Variants in KIAA0319 observed in about 807,000 individuals in gnomAD.
KIAA0319 encodes KIAA0319, also known as dyslexia-associated protein KIAA0319.
In KIAA0319, 83 loss-of-function variants were observed where a neutral mutation model predicts 108.4. The observed-to-expected ratio is 0.77, with a 90% CI of 0.64 to 0.92. The LOEUF is 0.92. KIAA0319 is among the 40% of genes least tolerant of loss of function. KIAA0319 has a pLI of 0.00. For missense variants in KIAA0319, 1,195 were observed against 1,322.4 expected, an observed-to-expected ratio of 0.90 and a Z score of 1.49; for synonymous variants, 484 against 510.4, an observed-to-expected ratio of 0.95 and a Z score of 0.70.
At chr6:24,574,912 C>T (rs76904457) in intron 10 of KIAA0319, among the ~76,000 whole-genome samples, 1,633 of 152,284 alleles carry the variant, frequency 0.011, 34 homozygotes, top group African/African-American at 0.037. Context: ...TGATCTGGTA[C>T]GAGAATGCTT....
At chr6:24,635,187 C>A (rs1454682873) in intron 1 of KIAA0319, among the ~76,000 whole-genome samples, 1 of 151,442 alleles carries the variant, frequency 6.6e-6, no homozygotes, top group Non-Finnish European at 1.5e-5. Context: ...CTCACTGCAA[C>A]CTCCACCTCC....
chr6:24,610,892 T>C (rs968936053), intron 1 of KIAA0319, among the ~76,000 whole-genome samples: 3 of 152,054 alleles, frequency 2.0e-5, no homozygotes, highest in Non-Finnish European at 4.4e-5. Flanking sequence ...TGTAAAGGCA[T>C]AGTAATAGGC....
rs865931466 is a variant in KIAA0319, at chr6:24,597,944, A to C, written c.56-1326T>G. On this transcript the variant is annotated intron_variant, in intron 2 of 20. Coordinates refer to ENST00000378214, the MANE Select transcript of KIAA0319 (RefSeq NM_014809.4). ...AAAAAAAAAAAAAAAAAAAAAAAAA[A>C]AAAAAACCACCTAGAAGCATCTGCA... The C allele has an allele frequency of 3.5e-3, 517 of 148,204 alleles. 1 individual carries two copies. The highest frequency in any genetic ancestry group is 0.011 in the African/African-American group (438 of 38,282). 9.2% of individuals were successfully genotyped at this position (148,204 alleles called of 1,614,324 possible). A position where few individuals can be genotyped will look rare whatever the true frequency, so the allele number is the denominator to read the frequency against.
chr6:24,610,980 C>CA (rs1207098629), intron 1 of KIAA0319, among the ~76,000 whole-genome samples: 6 of 151,750 alleles, frequency 4.0e-5, no homozygotes, highest in Non-Finnish European at 7.4e-5. Flanking sequence ...AACAAACAAA[C>CA]AAAAAAACCC....
At chr6:24,627,652 G>A (rs1053892587) in intron 1 of KIAA0319, among the ~76,000 whole-genome samples, 3 of 152,156 alleles carry the variant, frequency 2.0e-5, no homozygotes, top group African/African-American at 4.8e-5. Flanking sequence ...AAATGAACAC[G>A]ATGTGTAGCC....
intron 1 of KIAA0319, among the ~76,000 whole-genome samples, chr6:24,612,589 T>G (rs1398440443): frequency 6.6e-6 from 1 of 152,242 alleles, no homozygotes; most frequent in Non-Finnish European, 1.5e-5. Context: ...AAGCTCTTCA[T>G]GTACTGTTAT....
chr6:24,579,486 C>CAT (rs1310646324), intron 8 of KIAA0319, among the ~76,000 whole-genome samples: 7 of 142,656 alleles, frequency 4.9e-5, no homozygotes, highest in Admixed American at 2.8e-4. Flanking sequence ...TTATATATCT[C>CAT]ATATATCTTA....
intron 1 of KIAA0319, among the ~76,000 whole-genome samples, chr6:24,637,478 C>T (rs968840803): frequency 3.3e-5 from 5 of 152,146 alleles, no homozygotes; most frequent in African/African-American, 4.8e-5. Context: ...TTAAAGGGCA[C>T]TCATTTTTCT....
intron 1 of KIAA0319, among the ~76,000 whole-genome samples, chr6:24,607,281 G>C (rs1343063260): frequency 1.3e-5 from 2 of 152,152 alleles, no homozygotes; most frequent in Admixed American, 6.5e-5. Context: ...ACTTGAATCC[G>C]GGAGGTGGAG....
chr6:24,626,752 G>A lies in KIAA0319; in HGVS notation c.-106+18984C>T, dbSNP rs146951693. 3.1e-4 allele frequency among the ~76,000 whole-genome samples: 47 copies of A among 152,252 alleles called. No homozygotes were observed. The East Asian group carries it at 8.7e-3, about 28-fold the overall frequency. ...AGCAGTGAATAAAAAGGTTCCCTTT[G>A]GGAGTTTCCATTCCAGTGGAAGGGC... On this transcript the variant is annotated intron_variant, in intron 1 of 20. Transcript: ENST00000378214.
chr6:24,540,266 A>T (rs1760154635), downstream of KIAA0319, among the ~76,000 whole-genome samples: 1 of 152,248 alleles, frequency 6.6e-6, no homozygotes, highest in African/African-American at 2.4e-5. Flanking sequence ...CTCTTATACA[A>T]CTGAGAATGC....
intron 1 of KIAA0319, among the ~76,000 whole-genome samples, chr6:24,620,551 C>T (rs1773790649): frequency 6.6e-6 from 1 of 152,114 alleles, no homozygotes; most frequent in Non-Finnish European, 1.5e-5. Context: ...TTTGCCTGCC[C>T]CGGCCTCCCA....
rs1409670266 is a variant in KIAA0319, at chr6:24,569,974, T to C, written c.1920A>G (p.Glu640=). ...TGCTGCTCCCATCCAGGGTAGCACT[T>C]TCCACTGGGAAGATCAGCTCTTTAT... ...GPDKELIFPV[E]SATLDGSSSS... Residue 640 remains glutamate (E), a synonymous_variant, in exon 12 of 21, where the codon GAA becomes GAG. Transcript: ENST00000378214. The C allele has an allele frequency of 1.9e-6, 3 of 1,613,982 alleles. No homozygotes were observed. Among genetic ancestry groups the C allele is most frequent in the African/African-American group, 2.7e-5 (2 of 74,930 alleles).
Position 24,566,166 on chromosome 6 carries a change from G to A in KIAA0319, c.2292+431C>T, listed in dbSNP as rs147967440. Reference sequence around the variant, plus strand: ...CATTATAGAGACACTGCCGTGGACCGAACTGTGTCTTTCCCAGACTCCTGT... The same window carrying A: ...CATTATAGAGACACTGCCGTGGACCAAACTGTGTCTTTCCCAGACTCCTGT... On this transcript the variant is annotated intron_variant, in intron 14 of 20. Coordinates refer to ENST00000378214, the MANE Select transcript of KIAA0319 (RefSeq NM_014809.4). 5.3e-3 allele frequency among the ~76,000 whole-genome samples: 810 copies of A among 152,292 alleles called. 7 individuals carry two copies. Among genetic ancestry groups the A allele is most frequent in the African/African-American group, 0.017 (716 of 41,554 alleles).
chr6:24,586,976 C>A (rs1263236381), intron 4 of KIAA0319, among the ~76,000 whole-genome samples: 1 of 152,100 alleles, frequency 6.6e-6, no homozygotes, highest in African/African-American at 2.4e-5. Flanking sequence ...GCTAACCCCC[C>A]TCTCTCCCTG....
chr6:24,605,399 C>A (rs1771262159), intron 1 of KIAA0319, among the ~76,000 whole-genome samples: 1 of 152,158 alleles, frequency 6.6e-6, no homozygotes, highest in African/African-American at 2.4e-5. Context: ...ACTTTCCTTA[C>A]TTATTATTCA....
chr6:24,578,378 T>G, intron 8 of KIAA0319, 136 bp from the exon 9 acceptor site: 1 of 555,286 alleles, frequency 1.8e-6, no homozygotes, highest in Non-Finnish European at 3.0e-6. Flanking sequence ...GGATATATAC[T>G]GTATTAGAAG....
At chr6:24,572,746 T>C (rs1277430850) in intron 10 of KIAA0319, 48 bp from the exon 11 acceptor site, 1 of 1,516,350 alleles carries the variant, frequency 6.6e-7, no homozygotes, top group East Asian at 2.3e-5. Flanking sequence ...AACAAAAAAG[T>C]AAAGAAGCAC....
At position 24,583,591 on chromosome 6, in the gene KIAA0319, G is replaced by C. The variant is rs75718488; in HGVS notation, c.1093+13C>G. On this transcript the variant is annotated intron_variant, in intron 5 of 20. Transcript: ENST00000378214. The stretch of plus-strand genomic sequence containing the variant: ...CAGTTCCTAGTGGTCAGGGAGGAAG[G>C]TTAAACTCTCACCTACAGGTGGCGC... 7.3e-4 allele frequency: 1,155 copies of C among 1,589,246 alleles called. 8 individuals are homozygous for C. In the African/African-American group the frequency reaches 0.014, roughly 19 times the overall value.
Sources: allele counts gnomAD v4.1 joint callset (sites outside exome capture counted in the v4.1 genomes callset), GRCh38; gene constraint gnomAD v4.1.1; transcripts MANE v1.5; gene names NCBI Gene and HGNC (gene_info 2026-07-23, HGNC 2026-07-21).